The following RGS7 variants were observed in gnomAD, a reference collection of about 807,000 sequenced individuals.
The protein encoded by RGS7 is regulator of G protein signaling 7.
Under a neutral mutation model 81.1 loss-of-function variants are expected in RGS7, and 27 were observed. That is an observed-to-expected ratio of 0.33 (90% CI 0.25 to 0.46). The LOEUF is 0.46. Ranked by LOEUF, RGS7 falls within the 20% of genes least tolerant of loss-of-function variation. RGS7 has a pLI of 1.00. For missense variants in RGS7, 396 were observed against 607.4 expected (o/e 0.65, Z 3.66); for synonymous variants, 208 against 207.7 (o/e 1.00, Z -0.01).
intron 2 of RGS7, among the ~76,000 whole-genome samples, chr1:241,276,630 C>A (rs183092949): frequency 5.9e-5 from 9 of 152,258 alleles, no homozygotes; most frequent in African/African-American, 1.7e-4. Flanking sequence ...GCTTAGTCAA[C>A]GTCCAGACAA....
chr1:241,073,459 T>A (rs1489257798), intron 3 of RGS7, among the ~76,000 whole-genome samples: 2 of 152,226 alleles, frequency 1.3e-5, no homozygotes, highest in Non-Finnish European at 2.9e-5. Context: ...ACAACAAATG[T>A]ACACTTTGGC....
At chr1:241,178,215 C>T (rs954912022) in intron 2 of RGS7, among the ~76,000 whole-genome samples, 1 of 152,002 alleles carries the variant, frequency 6.6e-6, no homozygotes. Flanking sequence ...TAACTTGAGC[C>T]CAGGCATTTG....
intron 6 of RGS7, among the ~76,000 whole-genome samples, chr1:240,893,859 C>T (rs67435955): frequency 0.13 from 19,436 of 152,190 alleles, 1,353 homozygotes; most frequent in Middle Eastern, 0.18. Flanking sequence ...TCCACTTTGA[C>T]TTGAACTTCA....
chr1:240,940,423 C>G (rs1677393706), intron 4 of RGS7, among the ~76,000 whole-genome samples: 1 of 152,196 alleles, frequency 6.6e-6, no homozygotes, highest in South Asian at 2.1e-4. Flanking sequence ...CAGATGATCT[C>G]TGACTTCCTT....
At chr1:241,308,447 A>T (rs1185080413) in intron 2 of RGS7, among the ~76,000 whole-genome samples, 2 of 152,206 alleles carry the variant, frequency 1.3e-5, no homozygotes, top group African/African-American at 4.8e-5. Flanking sequence ...ACCTGGGAGA[A>T]GCATCTGCTC....
At chr1:241,012,816 G>A (rs1257072297) in intron 3 of RGS7, among the ~76,000 whole-genome samples, 1 of 152,160 alleles carries the variant, frequency 6.6e-6, no homozygotes, top group Admixed American at 6.5e-5. Flanking sequence ...GAGACTAAAA[G>A]TCTGGGACTT....
intron 2 of RGS7, among the ~76,000 whole-genome samples, chr1:241,252,828 TG>T (rs1321915544): frequency 6.6e-6 from 1 of 152,226 alleles, no homozygotes; most frequent in Non-Finnish European, 1.5e-5. Flanking sequence ...GAGGTTGCTT[TG>T]CACAGGCCTG....
intron 2 of RGS7, among the ~76,000 whole-genome samples, chr1:241,341,187 C>G (rs929565300): frequency 2.0e-5 from 3 of 152,164 alleles, no homozygotes; most frequent in Non-Finnish European, 4.4e-5. Flanking sequence ...CCTTACAACA[C>G]CATCGTGAAG....
At chr1:241,100,151 G>A (rs903425331) in intron 2 of RGS7, among the ~76,000 whole-genome samples, 28 of 151,860 alleles carry the variant, frequency 1.8e-4, no homozygotes, top group Non-Finnish European at 3.1e-4. Context: ...CGAGGCGGGC[G>A]GATCATGAGG....
chr1:240,927,183 C>T lies in RGS7; in HGVS notation c.385+3534G>A, dbSNP rs191291406. On this transcript the variant is annotated intron_variant, in intron 6 of 18. Transcript: ENST00000440928. ...CCAGGTTCAAGCGATTCTCCTGACT[C>T]GGCCTCCCAAGTAGCTGGGACTACA... Among the ~76,000 whole-genome samples the T allele has an allele frequency of 5.9e-5, 9 of 152,248 alleles. No individual in the cohort carries two copies. The East Asian group carries it at 1.4e-3, about 23-fold the overall frequency.
chr1:241,174,382 T>C (rs2070952693), intron 2 of RGS7, among the ~76,000 whole-genome samples: 1 of 152,212 alleles, frequency 6.6e-6, no homozygotes, highest in Non-Finnish European at 1.5e-5. Context: ...AAGTGTGATT[T>C]TGTCAGAGAT....
chr1:241,048,267 G>A (rs890217868), intron 3 of RGS7, among the ~76,000 whole-genome samples: 4 of 152,110 alleles, frequency 2.6e-5, no homozygotes, highest in Non-Finnish European at 5.9e-5. Flanking sequence ...TCCCCCTGGT[G>A]AGCCTAATGA....
chr1:240,891,976 A>G (rs1668356546), intron 6 of RGS7, among the ~76,000 whole-genome samples: 1 of 152,238 alleles, frequency 6.6e-6, no homozygotes, highest in South Asian at 2.1e-4. Flanking sequence ...CTTTAGGGCA[A>G]GAAGTTCTGA....
intron 2 of RGS7, among the ~76,000 whole-genome samples, chr1:241,323,322 A>G (rs2081312231): frequency 6.6e-6 from 1 of 152,254 alleles, no homozygotes; most frequent in Non-Finnish European, 1.5e-5. Flanking sequence ...ATTGTGATGT[A>G]TGTTTGCAAG....
At chr1:241,182,516 T>C (rs1311407484) in intron 2 of RGS7, among the ~76,000 whole-genome samples, 1 of 152,220 alleles carries the variant, frequency 6.6e-6, no homozygotes, top group Admixed American at 6.5e-5. Context: ...GGTGCCAGCA[T>C]AGAGCTATAC....
chr1:240,837,117 T>G (rs954445979), intron 9 of RGS7, among the ~76,000 whole-genome samples: 2 of 152,354 alleles, frequency 1.3e-5, no homozygotes, highest in Middle Eastern at 3.4e-3. Context: ...CAGCTTTAAA[T>G]TACCTAAAAT....
intron 2 of RGS7, among the ~76,000 whole-genome samples, chr1:241,332,662 A>G (rs993147009): frequency 6.6e-6 from 1 of 152,220 alleles, no homozygotes; most frequent in African/African-American, 2.4e-5. Context: ...TTAATTGTGG[A>G]AAGCTGTTAG....
intron 4 of RGS7, among the ~76,000 whole-genome samples, chr1:240,974,051 T>G (rs1168253279): frequency 6.6e-6 from 1 of 152,192 alleles, no homozygotes; most frequent in African/African-American, 2.4e-5. Context: ...TGTGGCAGGC[T>G]TGGGAGGCAG....
chr1:241,101,752 C>T (rs2064757341), intron 2 of RGS7, among the ~76,000 whole-genome samples: 1 of 152,204 alleles, frequency 6.6e-6, no homozygotes, highest in Admixed American at 6.5e-5. Flanking sequence ...TGCCTCATAT[C>T]AGCCTCTAAA....
Sources: gnomAD v4.1 joint callset for allele counts (sites outside exome capture counted in the v4.1 genomes callset) on GRCh38, gnomAD v4.1.1 for gene constraint, MANE v1.5 for transcripts, NCBI Gene and HGNC (gene_info 2026-07-23, HGNC 2026-07-21) for gene names.